TINAG: variants seen among roughly 807,000 people sequenced by gnomAD.
TINAG encodes the protein tubulointerstitial nephritis antigen.
In TINAG, 83 loss-of-function variants were observed where a neutral mutation model predicts 72.7. The observed-to-expected ratio is 1.14, with a 90% CI of 0.96 to 1.37. The LOEUF (loss-of-function observed/expected upper bound fraction) is 1.37. Ranked by LOEUF, TINAG falls within the 40% of genes most tolerant of loss-of-function variation. The pLI, the probability that TINAG is intolerant of heterozygous loss-of-function variation, is 0.00. For synonymous variants in TINAG, 234 were observed against 189.9 expected, an observed-to-expected ratio of 1.23 and a Z score of -1.91; for missense variants, 685 against 576.6, an observed-to-expected ratio of 1.19 and a Z score of -1.93.
chr6:54,310,609 C>T, intron 1 of TINAG, among the ~76,000 whole-genome samples: 1 of 142,196 alleles, frequency 7.0e-6, no homozygotes, highest in Non-Finnish European at 1.5e-5. Flanking sequence ...CTTTCTCTCT[C>T]TCTGTCTCTC....
intron 5 of TINAG, among the ~76,000 whole-genome samples, chr6:54,344,298 A>G (rs1447226007): frequency 2.0e-5 from 3 of 152,158 alleles, no homozygotes; most frequent in African/African-American, 7.2e-5. Context: ...ACAACTCCAG[A>G]AATGCCTTTG....
At chr6:54,354,419 A>C in intron 8 of TINAG, 94 bp from the exon 9 acceptor site, 1 of 1,169,994 alleles carries the variant, frequency 8.5e-7, no homozygotes, top group Non-Finnish European at 1.2e-6. Context: ...ATCTCCTTGC[A>C]ATTTACCCAT....
chr6:54,340,444 T>A (rs888702992), intron 4 of TINAG, among the ~76,000 whole-genome samples: 3 of 152,028 alleles, frequency 2.0e-5, no homozygotes, highest in African/African-American at 7.2e-5. Context: ...AAAGCCAAAC[T>A]TCTATTACCA....
upstream of TINAG, chr6:54,308,147 C>G: frequency 6.5e-7 from 1 of 1,543,942 alleles, no homozygotes; most frequent in East Asian, 2.4e-5. Context: ...CTGCACCTTG[C>G]CAGTGGTTAT....
intron 6 of TINAG, 35 bp downstream of exon 6, chr6:54,347,552 T>C (rs1402072654): frequency 6.2e-7 from 1 of 1,606,542 alleles, no homozygotes; most frequent in Non-Finnish European, 8.5e-7. Context: ...TCTAGGATTT[T>C]TATGAATGAT....
intron 9 of TINAG, among the ~76,000 whole-genome samples, chr6:54,371,930 C>A (rs1404188677): frequency 1.4e-5 from 2 of 139,148 alleles, no homozygotes; most frequent in Admixed American, 1.5e-4. Context: ...ATGGATTATA[C>A]AAAGTTTGAG....
chr6:54,320,671 G>A (rs1217337958), intron 2 of TINAG, 29 bp downstream of exon 2: 13 of 1,543,066 alleles, frequency 8.4e-6, no homozygotes, highest in South Asian at 1.2e-5. Context: ...ACAGAACTGA[G>A]TTCTACTGTG....
intron 1 of TINAG, among the ~76,000 whole-genome samples, chr6:54,314,067 G>A (rs1308772108): frequency 2.6e-5 from 4 of 152,130 alleles, no homozygotes; most frequent in South Asian, 4.1e-4. Context: ...AAGAAGCATC[G>A]TGTGACTTGT....
chr6:54,310,929 CTT>C (rs1159058575), intron 1 of TINAG, among the ~76,000 whole-genome samples: 1 of 144,346 alleles, frequency 6.9e-6, no homozygotes, highest in African/African-American at 2.6e-5. Flanking sequence ...CACTTTCCCT[CTT>C]TCTTTCTTTT....
At chr6:54,340,396 A>C (rs1490015931) in intron 4 of TINAG, among the ~76,000 whole-genome samples, 2 of 96,770 alleles carry the variant, frequency 2.1e-5, no homozygotes, top group Non-Finnish European at 4.6e-5. Flanking sequence ...TTTATTAAGC[A>C]AAAAAAAAAA....
chr6:54,341,672 G>C (rs1582720403), intron 4 of TINAG, among the ~76,000 whole-genome samples: 2 of 152,174 alleles, frequency 1.3e-5, no homozygotes, highest in Non-Finnish European at 2.9e-5. Context: ...GTACTTATCA[G>C]AAGTAATTTT....
chr6:54,377,575 CA>C lies in TINAG; in HGVS notation c.1251-2948del, dbSNP rs564508324. ...AAAGTAAGGTTCTGGTCTGTCTAAA[CA>C]AATGTTTGTAAATAATCTTCAAATG... is the stretch of plus-strand genomic sequence containing the variant. On this transcript the variant is annotated intron_variant, in intron 9 of 10. Coordinates refer to ENST00000259782, the MANE Select transcript of TINAG (RefSeq NM_014464.4). 3.0e-3 allele frequency among the ~76,000 whole-genome samples: 449 copies of C among 151,984 alleles called. 2 individuals carry two copies. The highest frequency in any genetic ancestry group is 9.8e-3 in the African/African-American group (408 of 41,460).
At chr6:54,334,866 A>G (rs1299336292) in intron 4 of TINAG, among the ~76,000 whole-genome samples, 1 of 152,182 alleles carries the variant, frequency 6.6e-6, no homozygotes, top group Non-Finnish European at 1.5e-5. Flanking sequence ...GCTTTGATAT[A>G]CTTTAGGGTC....
At chr6:54,350,552 T>C (rs891524294) in intron 7 of TINAG, among the ~76,000 whole-genome samples, 5 of 150,824 alleles carry the variant, frequency 3.3e-5, no homozygotes, top group African/African-American at 1.2e-4. Context: ...TCCTAATACA[T>C]AGAACTAGTC....
intron 9 of TINAG, among the ~76,000 whole-genome samples, chr6:54,366,813 T>A (rs540857699): frequency 6.6e-6 from 1 of 151,468 alleles, no homozygotes; most frequent in Non-Finnish European, 1.5e-5. Context: ...TAAGGATATA[T>A]GAAAACAGAA....
chr6:54,366,741 G>A (rs1277656637), intron 9 of TINAG, among the ~76,000 whole-genome samples: 8 of 151,608 alleles, frequency 5.3e-5, no homozygotes, highest in Non-Finnish European at 8.9e-5. Context: ...CTGGGGACCA[G>A]GGAAGGTTGC....
chr6:54,314,712 T>G (rs1000997983), intron 1 of TINAG, among the ~76,000 whole-genome samples: 2 of 151,754 alleles, frequency 1.3e-5, no homozygotes, highest in Admixed American at 1.3e-4. Context: ...GAGTTGTAAT[T>G]TTTTAATGTG....
At chr6:54,357,451 A>G (rs1763088088) in intron 9 of TINAG, among the ~76,000 whole-genome samples, 1 of 151,918 alleles carries the variant, frequency 6.6e-6, no homozygotes, top group Non-Finnish European at 1.5e-5. Flanking sequence ...CATCACCTGG[A>G]TACCTTATTA....
chr6:54,335,544 T>C (rs1226007680), intron 4 of TINAG, among the ~76,000 whole-genome samples: 2 of 152,134 alleles, frequency 1.3e-5, no homozygotes, highest in African/African-American at 4.8e-5. Flanking sequence ...TTTTAATATG[T>C]GGTCAGGCAG....
Sources: allele counts gnomAD v4.1 joint callset (sites outside exome capture counted in the v4.1 genomes callset), GRCh38; gene constraint gnomAD v4.1.1; transcripts MANE v1.5; gene names NCBI Gene and HGNC (gene_info 2026-07-23, HGNC 2026-07-21).